Variants in SV2B observed in about 807,000 individuals in gnomAD.
The protein encoded by SV2B is synaptic vesicle glycoprotein 2B.
SV2B carries 41 observed loss-of-function variants against 73.9 expected under a neutral mutation model. The observed-to-expected ratio is 0.56, with a 90% CI of 0.43 to 0.72. SV2B has a LOEUF of 0.72. Ranked by LOEUF, SV2B falls within the 30% of genes least tolerant of loss-of-function variation. The pLI is 0.00. For missense variants in SV2B, 764 were observed against 857.8 expected, an observed-to-expected ratio of 0.89 and a Z score of 1.37; for synonymous variants, 314 against 314.2, an observed-to-expected ratio of 1.00 and a Z score of 0.01.
rs1217738529 is a variant in SV2B, at chr15:91,236,790, G to A, written c.451+10076G>A. 6.6e-6 allele frequency among the ~76,000 whole-genome samples: 1 copy of A among 152,070 alleles called. No individual in the cohort carries two copies. The highest frequency in any genetic ancestry group is 1.5e-5 in the Non-Finnish European group (1 of 68,016). On this transcript the variant is annotated intron_variant, in intron 2 of 12. Transcript: ENST00000394232. The surrounding 1 kb of genome is among the most constrained non-coding windows in gnomAD (Gnocchi z 4.1). ...CATTACCTGGGGCAGCTGGAAGGTG[G>A]GGGCTGGAATCATCGGAGGGCTCAC... is the stretch of plus-strand genomic sequence containing the variant.
chr15:91,195,932 C>T (rs1329571448), intron 1 of SV2B, among the ~76,000 whole-genome samples: 1 of 152,156 alleles, frequency 6.6e-6, no homozygotes, highest in Non-Finnish European at 1.5e-5. Context: ...TAGGGAAAGG[C>T]TGAGGTTCTG....
rs765086533 is a variant in SV2B at position 91,292,991 on chromosome 15, A to G, written c.*439A>G. 6.5e-6 allele frequency: 1 copy of G among 154,468 alleles called. No homozygotes were observed. The highest frequency in any genetic ancestry group is 2.4e-5 in the African/African-American group (1 of 41,556). The allele number at this position is 154,468 out of a possible 1,614,324, so 9.6% of individuals were successfully genotyped here. A position where few individuals can be genotyped will look rare whatever the true frequency, so the allele number is the denominator to read the frequency against. On this transcript the variant is annotated 3_prime_UTR_variant, in exon 13 of 13. Transcript: ENST00000394232. ...AACTTGGCTGGAAGTTAGAGTCATT[A>G]TATGAAGATTGGGCTTGAAGTATAT... is the stretch of plus-strand genomic sequence containing the variant.
At chr15:91,104,778 G>A (rs1324473664) in intron 1 of SV2B, among the ~76,000 whole-genome samples, 12 of 152,128 alleles carry the variant, frequency 7.9e-5, no homozygotes, top group African/African-American at 1.7e-4. Flanking sequence ...GACTACAGGC[G>A]TGCACCACCA....
At position 91,289,490 on chromosome 15, in the gene SV2B, G is replaced by A. The variant is rs1156481448; in HGVS notation, c.1709-31G>A. The stretch of plus-strand genomic sequence containing the variant: ...GCCATGTGCAAGACACAGGCCTCAT[G>A]TTTCTTTTTGCCCTTGAACTCCCTC... On this transcript the variant is annotated intron_variant, in intron 11 of 12. Transcript: ENST00000394232. This position sits in a 1 kb window ranked among gnomAD's most constrained non-coding sequence, Gnocchi z 4.9. The A allele has an allele frequency of 6.2e-7, 1 of 1,613,974 alleles. No individual in the cohort carries two copies. The highest frequency in any genetic ancestry group is 8.5e-7 in the Non-Finnish European group (1 of 1,179,940).
In SV2B at chr15:91,302,411, T is replaced by A. The variant is rs1233577550; in HGVS notation, c.*9859T>A. 6.6e-6 allele frequency among the ~76,000 whole-genome samples: 1 copy of A among 152,166 alleles called. No individual in the cohort carries two copies. Among genetic ancestry groups the A allele is most frequent in the Non-Finnish European group, 1.5e-5 (1 of 68,038 alleles). On this transcript the variant is annotated 3_prime_UTR_variant, in exon 13 of 13. Coordinates refer to ENST00000394232, the MANE Select transcript of SV2B (RefSeq NM_001323032.3). Reference sequence around the variant, plus strand: ...GGACCTGGTTCTGGAGTGGTGATGCTGGTTGTCAGAGGGCTGAGGGTGGTG... The same window carrying A: ...GGACCTGGTTCTGGAGTGGTGATGCAGGTTGTCAGAGGGCTGAGGGTGGTG...
intron 9 of SV2B, among the ~76,000 whole-genome samples, chr15:91,275,082 ACT>A (rs1251767407): frequency 1.3e-5 from 2 of 151,862 alleles, no homozygotes; most frequent in African/African-American, 4.8e-5. Flanking sequence ...ACCTAAACTG[ACT>A]CTCTTTATTT....
rs34873980 is a variant in SV2B, at chr15:91,260,403, G to A, written c.1002G>A (p.Val334=). ...GAGCTAAGGGGACCCCAGAGAAAGTGTTCACGGTGAGTGTGGGGTTGCCTG... is the reference window on the plus strand; with the variant it reads ...GAGCTAAGGGGACCCCAGAGAAAGTATTCACGGTGAGTGTGGGGTTGCCTG... ...NMRAKGTPEK[V]FTVSNIKTPK... Residue 334 remains valine (V), a synonymous_variant, in exon 6 of 13, where the codon GTG becomes GTA. Coordinates refer to ENST00000394232, the MANE Select transcript of SV2B (RefSeq NM_001323032.3). 1,063 of 1,612,688 alleles carry A rather than the reference G, an allele frequency of 6.6e-4. 9 individuals carry two copies. The African/African-American group carries it at 0.013, about 20-fold the overall frequency.
chr15:91,234,152 T>C lies in SV2B; in HGVS notation c.451+7438T>C, dbSNP rs886196299. Among the ~76,000 whole-genome samples the C allele has an allele frequency of 2.0e-5, 3 of 152,098 alleles. No homozygotes were observed. Among genetic ancestry groups the C allele is most frequent in the African/African-American group, 7.2e-5 (3 of 41,408 alleles). On this transcript the variant is annotated intron_variant, in intron 2 of 12. Transcript: ENST00000394232. The surrounding 1 kb of genome is among the most constrained non-coding windows in gnomAD (Gnocchi z 5.6). ...AGTCGAAATGCCAGACCTATGTTGG[T>C]TTATGGTAGAGGAAGAGATTGAAAG...
Position 91,226,598 on chromosome 15 carries a change from T to G in SV2B, c.335T>G (p.Phe112Cys), listed in dbSNP as rs758126909. 6.2e-7 allele frequency: 1 copy of G among 1,614,118 alleles called. No individual in the cohort carries two copies. Among genetic ancestry groups the G allele is most frequent in the Non-Finnish European group, 8.5e-7 (1 of 1,179,994 alleles). Residue 112 changes from phenylalanine to cysteine, a missense_variant, in exon 2 of 13, where the codon TTT (phenylalanine) becomes TGT (cysteine). Transcript: ENST00000394232. The stretch of plus-strand genomic sequence containing the variant: ...CATGGCCGCTTCCAGTGGATCCTCT[T>G]TTTCGTCTTGGGTTTGGCCCTGATG... ...CGHGRFQWIL[F>C]FVLGLALMAD...
Position 91,261,441 on chromosome 15 carries a change from A to T in SV2B, c.1008+1032A>T, listed in dbSNP as rs115780535. ...TTACAAACATTAACATGGTTTTCCT[A>T]ACATGTCTCTAATGTTAGAAGCTTG... On this transcript the variant is annotated intron_variant, in intron 6 of 12. Transcript: ENST00000394232. This position sits in a 1 kb window ranked among gnomAD's most constrained non-coding sequence, Gnocchi z 4.7. Among the ~76,000 whole-genome samples, 687 of 152,318 alleles carry T rather than the reference A, an allele frequency of 4.5e-3. 4 individuals carry two copies. The highest frequency in any genetic ancestry group is 0.015 in the African/African-American group (613 of 41,566).
At position 91,242,740 on chromosome 15, in the gene SV2B, T is replaced by C. The variant is rs2047069790; in HGVS notation, c.452-9079T>C. The stretch of plus-strand genomic sequence containing the variant: ...AGGATGAAGAGATCTGACCCAGGAG[T>C]TACCTATTATTTTTTTAAATACGAA... On this transcript the variant is annotated intron_variant, in intron 2 of 12. Coordinates refer to ENST00000394232, the MANE Select transcript of SV2B (RefSeq NM_001323032.3). This position sits in a 1 kb window ranked among gnomAD's most constrained non-coding sequence, Gnocchi z 4.9. 6.6e-6 allele frequency among the ~76,000 whole-genome samples: 1 copy of C among 151,730 alleles called. No homozygotes were observed. Among genetic ancestry groups the C allele is most frequent in the African/African-American group, 2.4e-5 (1 of 41,284 alleles).
intron 11 of SV2B, among the ~76,000 whole-genome samples, chr15:91,286,691 C>G (rs910394962): frequency 6.6e-6 from 1 of 152,074 alleles, no homozygotes; most frequent in Non-Finnish European, 1.5e-5. Context: ...CTCACAATAA[C>G]CCTATGAGGT....
At chr15:91,125,966 T>C (rs1400088488) in intron 1 of SV2B, among the ~76,000 whole-genome samples, 6 of 152,048 alleles carry the variant, frequency 3.9e-5, no homozygotes, top group Non-Finnish European at 7.4e-5. Flanking sequence ...TTGATGTTTG[T>C]TGAGTGCTAC....
chr15:91,252,551 C>T lies in SV2B; in HGVS notation c.784+31C>T, dbSNP rs1410538399. On this transcript the variant is annotated intron_variant, in intron 4 of 12. Coordinates refer to ENST00000394232, the MANE Select transcript of SV2B (RefSeq NM_001323032.3). The surrounding 1 kb of genome is among the most constrained non-coding windows in gnomAD (Gnocchi z 4.6). ...TCATGGCTCCAAACAGCCTAGGGGG[C>T]CCTGTTTCTATGGCTCCTGCACCCA... The T allele has an allele frequency of 1.7e-5, 26 of 1,552,800 alleles. No individual in the cohort carries two copies. The highest frequency in any genetic ancestry group is 2.3e-5 in the Non-Finnish European group (26 of 1,148,626).
At chr15:91,113,113 A>G (rs1037436263) in intron 1 of SV2B, among the ~76,000 whole-genome samples, 3 of 152,222 alleles carry the variant, frequency 2.0e-5, no homozygotes, top group African/African-American at 7.2e-5. Flanking sequence ...GGATTACAGC[A>G]TGAGCCACTA....
Position 91,221,373 on chromosome 15 carries a change from A to T in SV2B, c.-391-4500A>T, listed in dbSNP as rs149538405. ...AGGTAGTAGATGTGGCAGAGTCAGG[A>T]TTGGAACCTGGACCCTCTAAGACCA... On this transcript the variant is annotated intron_variant, in intron 1 of 12. Coordinates refer to ENST00000394232, the MANE Select transcript of SV2B (RefSeq NM_001323032.3). 2.5e-3 allele frequency among the ~76,000 whole-genome samples: 380 copies of T among 152,272 alleles called. 2 individuals carry two copies. Among genetic ancestry groups the T allele is most frequent in the Middle Eastern group, 6.8e-3 (2 of 294 alleles).
Position 91,240,730 on chromosome 15 carries a change from A to G in SV2B, c.452-11089A>G, listed in dbSNP as rs182619451. Among the ~76,000 whole-genome samples the G allele has an allele frequency of 2.0e-5, 3 of 152,154 alleles. No individual in the cohort carries two copies. Among genetic ancestry groups the G allele is most frequent in the East Asian group, 3.9e-4 (2 of 5,164 alleles). On this transcript the variant is annotated intron_variant, in intron 2 of 12. Transcript: ENST00000394232. The surrounding 1 kb of genome is among the most constrained non-coding windows in gnomAD (Gnocchi z 4.6). ...GTATGTCAATCACCGTGAGAGGTTC[A>G]TGTCTGCCAGGACACCCCTTACCAT... is the stretch of plus-strand genomic sequence containing the variant.
intron 2 of SV2B, 37 bp from the exon 3 acceptor site, chr15:91,251,782 T>A: frequency 1.3e-6 from 2 of 1,591,712 alleles, no homozygotes; most frequent in Non-Finnish European, 1.7e-6. Context: ...CTTTTGTCTT[T>A]TCTCTCTATT....
chr15:91,246,481 CA>C (rs989542148), intron 2 of SV2B, among the ~76,000 whole-genome samples: 2 of 152,266 alleles, frequency 1.3e-5, no homozygotes, highest in African/African-American at 4.8e-5. Flanking sequence ...CCGAATTTTA[CA>C]AAGATGTAAT....
Sources: allele counts gnomAD v4.1 joint callset (sites outside exome capture counted in the v4.1 genomes callset), GRCh38; gene constraint gnomAD v4.1.1; non-coding constraint Gnocchi (gnomAD v3.1); transcripts MANE v1.5; gene names NCBI Gene and HGNC (gene_info 2026-07-23, HGNC 2026-07-21).